TBC1D32: variants seen among roughly 807,000 people sequenced by gnomAD.
The protein encoded by TBC1D32 is TBC1 domain family member 32.
Under a neutral mutation model 170.3 loss-of-function variants are expected in TBC1D32, and 151 were observed. The ratio of observed to expected loss-of-function variants is 0.89; its 90% confidence interval spans 0.78 to 1.01. The LOEUF (loss-of-function observed/expected upper bound fraction) is 1.01, where lower values mean the gene tolerates loss of function less well. TBC1D32 is among the 50% of genes least tolerant of loss of function. The pLI, the probability that TBC1D32 is intolerant of heterozygous loss-of-function variation, is 0.00. For synonymous variants in TBC1D32, 498 were observed against 488.0 expected, an observed-to-expected ratio of 1.02 and a Z score of -0.27; for missense variants, 1,464 against 1,457.1, an observed-to-expected ratio of 1.00 and a Z score of -0.08.
intron 22 of TBC1D32, among the ~76,000 whole-genome samples, chr6:121,162,064 T>C (rs1320008891): frequency 6.6e-6 from 1 of 152,256 alleles, no homozygotes. Context: ...TTTACATTCC[T>C]TGTACATGCT....
intron 17 of TBC1D32, among the ~76,000 whole-genome samples, chr6:121,249,477 A>G (rs78298698): frequency 0.024 from 3,636 of 152,096 alleles, 160 homozygotes; most frequent in East Asian, 0.12. Context: ...GCAATCACAC[A>G]AGAAAAAGAA....
chr6:121,227,152 C>G (rs1413575389), intron 20 of TBC1D32, among the ~76,000 whole-genome samples: 1 of 152,110 alleles, frequency 6.6e-6, no homozygotes, highest in African/African-American at 2.4e-5. Context: ...TGAATGCAGC[C>G]CATGGGCCGC....
At chr6:121,233,556 G>C (rs750139744) in intron 20 of TBC1D32, among the ~76,000 whole-genome samples, 2 of 152,022 alleles carry the variant, frequency 1.3e-5, no homozygotes, top group Non-Finnish European at 2.9e-5. Flanking sequence ...TCCACTGCAC[G>C]GAATATCTTT....
intron 21 of TBC1D32, among the ~76,000 whole-genome samples, chr6:121,219,454 A>G (rs913870500): frequency 6.6e-6 from 1 of 152,254 alleles, no homozygotes; most frequent in Non-Finnish European, 1.5e-5. Context: ...CCACAGAGAT[A>G]CATGAAAACT....
rs144554856 is a variant in TBC1D32, at chr6:121,268,245, T to C, written c.1733+10876A>G. ...CTCCTCGCCAGCAACAGAACAAAGC[T>C]GAATGGAGAATGACATTGATGAGTT... is the stretch of plus-strand genomic sequence containing the variant. On this transcript the variant is annotated intron_variant, in intron 15 of 31. Coordinates refer to ENST00000398212, the MANE Select transcript of TBC1D32 (RefSeq NM_152730.6). 2.6e-5 allele frequency among the ~76,000 whole-genome samples: 4 copies of C among 152,280 alleles called. No individual in the cohort carries two copies. The East Asian group carries it at 7.7e-4, about 29-fold the overall frequency.
At chr6:121,230,769 A>G (rs1795640926) in intron 20 of TBC1D32, among the ~76,000 whole-genome samples, 1 of 151,614 alleles carries the variant, frequency 6.6e-6, no homozygotes, top group Non-Finnish European at 1.5e-5. Flanking sequence ...TGGGGAACAG[A>G]TTGTATGGTG....
intron 5 of TBC1D32, among the ~76,000 whole-genome samples, chr6:121,305,633 G>T (rs1471452391): frequency 3.9e-5 from 6 of 151,950 alleles, no homozygotes; most frequent in Non-Finnish European, 5.9e-5. Context: ...ATGGCCCCAA[G>T]AAATTCCTAC....
intron 25 of TBC1D32, among the ~76,000 whole-genome samples, chr6:121,127,629 A>G (rs1780992692): frequency 6.6e-6 from 1 of 152,122 alleles, no homozygotes; most frequent in Admixed American, 6.5e-5. Flanking sequence ...CTCAGGTGAG[A>G]GCATTTCAAT....
chr6:121,161,099 A>C, intron 22 of TBC1D32, 43 bp from the exon 23 acceptor site: 1 of 1,406,060 alleles, frequency 7.1e-7, no homozygotes, highest in Non-Finnish European at 9.9e-7. Flanking sequence ...TTTTGATTGA[A>C]TATGTGTTAA....
At chr6:121,099,762 T>C (rs1357448885) in intron 30 of TBC1D32, among the ~76,000 whole-genome samples, 1 of 151,944 alleles carries the variant, frequency 6.6e-6, no homozygotes, top group Non-Finnish European at 1.5e-5. Flanking sequence ...GGGGAGTCAT[T>C]AAAAGGACAT....
intron 15 of TBC1D32, among the ~76,000 whole-genome samples, chr6:121,259,206 G>A (rs970778284): frequency 6.6e-6 from 1 of 152,066 alleles, no homozygotes; most frequent in African/African-American, 2.4e-5. Context: ...GCTGAGGCAG[G>A]AGAATCGCTT....
At chr6:121,267,088 AAAAAAAG>A (rs1424117207) in intron 15 of TBC1D32, among the ~76,000 whole-genome samples, 1 of 151,636 alleles carries the variant, frequency 6.6e-6, no homozygotes, top group African/African-American at 2.4e-5. Flanking sequence ...TAAAAAAAAA[AAAAAAAG>A]AATAGGACAC....
At chr6:121,256,060 A>G (rs746119816) in intron 16 of TBC1D32, 24 bp downstream of exon 16, 89 of 1,592,150 alleles carry the variant, frequency 5.6e-5, no homozygotes, top group Middle Eastern at 5.1e-4. Context: ...GCAGGGAGAA[A>G]AAACGAAGCT....
intron 15 of TBC1D32, among the ~76,000 whole-genome samples, chr6:121,256,840 T>C (rs1194759927): frequency 1.3e-5 from 2 of 152,060 alleles, no homozygotes; most frequent in Admixed American, 1.3e-4. Context: ...TGGCTAATTT[T>C]TGTACTTTTT....
chr6:121,210,003 T>C (rs7753679), intron 21 of TBC1D32, among the ~76,000 whole-genome samples: 2,725 of 152,306 alleles, frequency 0.018, 82 homozygotes, highest in African/African-American at 0.061. Flanking sequence ...TGGTAAGTCA[T>C]AGAAACTGAA....
At chr6:121,320,751 C>T (rs115489015) in intron 2 of TBC1D32, among the ~76,000 whole-genome samples, 196 of 152,084 alleles carry the variant, frequency 1.3e-3, no homozygotes, top group African/African-American at 4.6e-3. Flanking sequence ...GAGCTCCTGT[C>T]CAAAATAATT....
At chr6:121,231,163 A>T (rs1205593968) in intron 20 of TBC1D32, among the ~76,000 whole-genome samples, 1 of 152,134 alleles carries the variant, frequency 6.6e-6, no homozygotes, top group Non-Finnish European at 1.5e-5. Flanking sequence ...TCATTCTTCT[A>T]CATGTGGCTT....
intron 12 of TBC1D32, among the ~76,000 whole-genome samples, chr6:121,290,785 T>G (rs1396773836): frequency 6.6e-6 from 1 of 151,548 alleles, no homozygotes; most frequent in Admixed American, 6.6e-5. Context: ...ATTAAGAAAA[T>G]GTGGCACACA....
chr6:121,103,068 A>C (rs555136423), intron 30 of TBC1D32, among the ~76,000 whole-genome samples: 3 of 152,282 alleles, frequency 2.0e-5, no homozygotes, highest in East Asian at 3.9e-4. Flanking sequence ...GGAGATCATT[A>C]AAAAGTCAAG....
Sources: gnomAD v4.1 joint callset for allele counts (sites outside exome capture counted in the v4.1 genomes callset) on GRCh38, gnomAD v4.1.1 for gene constraint, MANE v1.5 for transcripts, NCBI Gene and HGNC (gene_info 2026-07-23, HGNC 2026-07-21) for gene names.